Variants in DEAF1 observed in about 807,000 individuals in gnomAD.
The protein encoded by DEAF1 is DEAF1 transcription factor.
DEAF1 carries 53 observed loss-of-function variants against 58.9 expected under a neutral mutation model. That is an observed-to-expected ratio of 0.90 (90% CI 0.72 to 1.13). The LOEUF (loss-of-function observed/expected upper bound fraction) is 1.13, where lower values mean the gene tolerates loss of function less well. Among genes scored for constraint, DEAF1 ranks in the 50% most tolerant of loss-of-function variants. The pLI, the probability that DEAF1 is intolerant of heterozygous loss-of-function variation, is 0.00. For synonymous variants in DEAF1, 385 were observed against 340.4 expected (o/e 1.13, Z -1.44); for missense variants, 685 against 791.4 (o/e 0.87, Z 1.61).
chr11:678,861 TG>T, intron 8 of DEAF1, 39 bp from the exon 9 acceptor site: 1 of 1,611,802 alleles, frequency 6.2e-7, no homozygotes, highest in Admixed American at 1.7e-5. Flanking sequence ...TCGGGATGGT[TG>T]TCCGCACAGC....
intron 11 of DEAF1, chr11:646,358 A>ACCGC (rs1029911373): frequency 1.3e-5 from 2 of 151,674 alleles, no homozygotes; most frequent in African/African-American, 4.8e-5. Context: ...GTGCAGACCC[A>ACCGC]CCGCCCGCCC....
chr11:683,223 G>C (rs1352129516), intron 6 of DEAF1, among the ~76,000 whole-genome samples: 1 of 152,200 alleles, frequency 6.6e-6, no homozygotes, highest in Non-Finnish European at 1.5e-5. Context: ...AAAATTTGAT[G>C]AAGTCCAATC....
At chr11:658,443 A>G (rs1479075244) in intron 10 of DEAF1, among the ~76,000 whole-genome samples, 1 of 152,224 alleles carries the variant, frequency 6.6e-6, no homozygotes, top group Non-Finnish European at 1.5e-5. Context: ...ACAAAAACAA[A>G]AAACCATTCA....
chr11:686,771 G>T, intron 5 of DEAF1, 87 bp downstream of exon 5: 3 of 1,580,040 alleles, frequency 1.9e-6, no homozygotes, highest in Non-Finnish European at 2.6e-6. Context: ...CTGACCCCGT[G>T]GTCTGTGCCC....
chr11:689,202 CTTTTTTTTT>C (rs34046317), intron 2 of DEAF1, among the ~76,000 whole-genome samples: 5 of 94,170 alleles, frequency 5.3e-5, no homozygotes, highest in East Asian at 3.3e-4. Flanking sequence ...TTTTCTTTTT[CTTTTTTTTT>C]TTTTTTTTTT....
chr11:681,710 G>A (rs12364243), intron 6 of DEAF1, among the ~76,000 whole-genome samples: 2,242 of 151,688 alleles, frequency 0.015, 35 homozygotes, highest in South Asian at 0.039. Flanking sequence ...ACGCCCGGCC[G>A]ACTTTTTTTT....
At position 678,749 on chromosome 11, in the gene DEAF1, GC is replaced by G; in HGVS notation, c.1199del (p.Ser400ThrfsTer19). On this transcript the variant is annotated frameshift_variant, in exon 9 of 12. Coordinates refer to ENST00000382409, the MANE Select transcript of DEAF1 (RefSeq NM_021008.4). LOFTEE classifies it high-confidence loss of function. The stretch of plus-strand genomic sequence containing the variant: ...CTTCTGGAAACGGTGCGATCTGGCA[GC>G]TGTCCTGATAGCCGGGGTAGTGAGG... ...PEPHYPGYQDSCQIAPFPEAA... is the reference protein window; with the variant it reads ...PEPHYPGYQDXCQIAPFPEAA... The G allele has an allele frequency of 1.2e-6, 2 of 1,614,226 alleles. No individual in the cohort carries two copies. The highest frequency in any genetic ancestry group is 1.7e-6 in the Non-Finnish European group (2 of 1,180,030).
chr11:663,372 C>T (rs1020656315), intron 10 of DEAF1, among the ~76,000 whole-genome samples: 1 of 152,186 alleles, frequency 6.6e-6, no homozygotes, highest in African/African-American at 2.4e-5. Context: ...CGCTTGCACC[C>T]GGGAGGCGGA....
upstream of DEAF1, among the ~76,000 whole-genome samples, chr11:696,453 C>T (rs1861166008): frequency 6.6e-6 from 1 of 152,154 alleles, no homozygotes; most frequent in Non-Finnish European, 1.5e-5. Flanking sequence ...CTCTAGTAAC[C>T]AGGTTTGTTT....
rs138447102 is a variant in DEAF1 at position 678,763 on chromosome 11, C to T, written c.1186G>A (p.Gly396Ser). ...GCGATCTGGCAGCTGTCCTGATAGC[C>T]GGGGTAGTGAGGCTCAGGGTGGCTG... ...RASHPEPHYPGYQDSCQIAPF... is the reference protein window; with the variant it reads ...RASHPEPHYPSYQDSCQIAPF... The change falls in exon 9 of 12, where the codon GGC becomes AGC. Residue 396 changes from glycine to serine, a missense_variant. By Grantham distance (56) the Gly-to-Ser change is moderately conservative. Coordinates refer to ENST00000382409, the MANE Select transcript of DEAF1 (RefSeq NM_021008.4). 1,885 of 1,614,020 alleles carry T rather than the reference C, an allele frequency of 1.2e-3. 1 individual carries two copies. Among genetic ancestry groups the T allele is most frequent in the Non-Finnish European group, 1.5e-3 (1,747 of 1,180,012 alleles).
intron 1 of DEAF1, among the ~76,000 whole-genome samples, chr11:692,654 A>C (rs2133425502): frequency 6.6e-6 from 1 of 152,186 alleles, no homozygotes; most frequent in Non-Finnish European, 1.5e-5. Context: ...GGAGTTCGAG[A>C]CCAGCCTGAC....
Position 677,779 on chromosome 11 carries a change from C to A in DEAF1, c.1255+915G>T, listed in dbSNP as rs1357895143. Among the ~76,000 whole-genome samples the A allele has an allele frequency of 1.4e-5, 2 of 139,198 alleles. 1 individual carries two copies. Among genetic ancestry groups the A allele is most frequent in the Non-Finnish European group, 3.1e-5 (2 of 63,512 alleles). The allele number at this position is 139,198 out of a possible 152,430, so 91.3% of individuals were successfully genotyped here. A position where few individuals can be genotyped will look rare whatever the true frequency, so the allele number is the denominator to read the frequency against. Reference sequence around the variant, plus strand: ...ACCAGCCTGACCAGCATGGTGAAACCCCATCTCTACTAAAAATACAATAAC... The same window carrying A: ...ACCAGCCTGACCAGCATGGTGAAACACCATCTCTACTAAAAATACAATAAC... On this transcript the variant is annotated intron_variant, in intron 9 of 11. Coordinates refer to ENST00000382409, the MANE Select transcript of DEAF1 (RefSeq NM_021008.4).
chr11:649,515 C>T (rs534148965), intron 11 of DEAF1, among the ~76,000 whole-genome samples: 1 of 150,466 alleles, frequency 6.6e-6, no homozygotes, highest in Admixed American at 6.6e-5. Context: ...AGGTCAGGAG[C>T]TCAAGACCAG....
In DEAF1 at chr11:678,680, T is replaced by C. The variant is rs1412971853; in HGVS notation, c.1255+14A>G. 1 of 1,613,966 alleles carries C rather than the reference T, an allele frequency of 6.2e-7. No individual in the cohort carries two copies. Reference sequence around the variant, plus strand: ...GACAATAACCTGTACATGTGTGAATTCTTTCAAACCTACCTATTTTGGGAT... The same window carrying C: ...GACAATAACCTGTACATGTGTGAATCCTTTCAAACCTACCTATTTTGGGAT... On this transcript the variant is annotated intron_variant, in intron 9 of 11. Coordinates refer to ENST00000382409, the MANE Select transcript of DEAF1 (RefSeq NM_021008.4).
chr11:667,311 C>T (rs995549413), intron 10 of DEAF1, among the ~76,000 whole-genome samples: 1 of 139,952 alleles, frequency 7.1e-6, no homozygotes, highest in Non-Finnish European at 1.5e-5. Flanking sequence ...AGACAGTGAC[C>T]CTGTCTCAAA....
intron 10 of DEAF1, among the ~76,000 whole-genome samples, chr11:669,613 G>A (rs545508984): frequency 6.6e-6 from 1 of 150,846 alleles, no homozygotes; most frequent in East Asian, 2.0e-4. Context: ...TCCAGCCTGG[G>A]CAACAAGAGC....
Position 678,756 on chromosome 11 carries a change from T to C in DEAF1, c.1193A>G (p.Gln398Arg). 6.8e-6 allele frequency: 11 copies of C among 1,614,222 alleles called. No homozygotes were observed. The highest frequency in any genetic ancestry group is 9.3e-6 in the Non-Finnish European group (11 of 1,180,030). The change falls in exon 9 of 12, where the codon CAG (glutamine) becomes CGG (arginine). Residue 398 changes from glutamine to arginine, a missense_variant. Physicochemically the swap from Gln to Arg is conservative, Grantham distance 43. Around this residue, in one of 3 missense-constraint regions of DEAF1, gnomAD observed 343 missense variants for 379.8 expected, o/e 0.90. Transcript: ENST00000382409. The part of the protein sequence containing the change: ...SHPEPHYPGY[Q>R]DSCQIAPFPE... ...AAACGGTGCGATCTGGCAGCTGTCC[T>C]GATAGCCGGGGTAGTGAGGCTCAGG...
chr11:692,774 C>T (rs1170214184), intron 1 of DEAF1, among the ~76,000 whole-genome samples: 1 of 152,152 alleles, frequency 6.6e-6, no homozygotes, highest in African/African-American at 2.4e-5. Flanking sequence ...ATCACTTGAA[C>T]CCGGGAGGCG....
In DEAF1 at chr11:669,974, A is replaced by G. The variant is rs544565830; in HGVS notation, c.1503+4562T>C. Reference sequence around the variant, plus strand: ...AAAAGAAACCCCATCTTTACAAAAAATACAAAAATTAGCCAGGCATGGTGG... The same window carrying G: ...AAAAGAAACCCCATCTTTACAAAAAGTACAAAAATTAGCCAGGCATGGTGG... On this transcript the variant is annotated intron_variant, in intron 10 of 11. Transcript: ENST00000382409. Among the ~76,000 whole-genome samples the G allele has an allele frequency of 5.0e-3, 756 of 151,670 alleles. 8 individuals carry two copies. Among genetic ancestry groups the G allele is most frequent in the African/African-American group, 0.017 (716 of 41,368 alleles).
Sources: allele counts gnomAD v4.1 joint callset (sites outside exome capture counted in the v4.1 genomes callset), GRCh38; gene constraint gnomAD v4.1.1; regional missense constraint gnomAD v4.1.1; transcripts MANE v1.5; gene names NCBI Gene and HGNC (gene_info 2026-07-23, HGNC 2026-07-21).